MBP: variants seen among roughly 807,000 people sequenced by gnomAD.
The protein encoded by MBP is myelin basic protein.
MBP carries 16 observed loss-of-function variants against 35.8 expected under a neutral mutation model. That is an observed-to-expected ratio of 0.45 (90% CI 0.30 to 0.68). The LOEUF (loss-of-function observed/expected upper bound fraction) is 0.68, where lower values mean the gene tolerates loss of function less well. Among genes scored for constraint, MBP ranks in the 30% least tolerant of loss-of-function variants. The pLI is 0.08. For missense variants in MBP, 380 were observed against 404.7 expected, an observed-to-expected ratio of 0.94 and a Z score of 0.52; for synonymous variants, 143 against 159.6, an observed-to-expected ratio of 0.90 and a Z score of 0.78.
chr18:77,034,702 G>A (rs1256417756), intron 3 of MBP, among the ~76,000 whole-genome samples: 3 of 152,166 alleles, frequency 2.0e-5, no homozygotes, highest in Admixed American at 6.5e-5. Context: ...CCAGTGGTGC[G>A]TTTTATGCCC....
At chr18:77,036,315 G>A (rs1240441398) in intron 3 of MBP, among the ~76,000 whole-genome samples, 6 of 121,866 alleles carry the variant, frequency 4.9e-5, no homozygotes, top group Admixed American at 7.7e-5. Flanking sequence ...ACTGAGCTGA[G>A]CAAGTGCTGG....
At chr18:77,003,248 T>C (rs1367999798) in intron 4 of MBP, 1 of 152,238 alleles carries the variant, frequency 6.6e-6, no homozygotes, top group Non-Finnish European at 1.5e-5. Flanking sequence ...ATTTTGTCTA[T>C]GTGACTGAAA....
intron 1 of MBP, among the ~76,000 whole-genome samples, chr18:77,116,628 T>G (rs777433288): frequency 6.4e-4 from 98 of 152,140 alleles, no homozygotes; most frequent in Non-Finnish European, 7.2e-4. Context: ...ACGTTGAAAC[T>G]CATGAGGTTT....
At position 76,979,674 on chromosome 18, in the gene MBP, A is replaced by G; in HGVS notation, c.*753T>C. On this transcript the variant is annotated 3_prime_UTR_variant, in exon 9 of 9. Transcript: ENST00000355994. ...CAGAGGCCACCTGCTTGACATCTCCATCACCAAATCTCCAGGAAGACCCTG... is the reference window on the plus strand; with the variant it reads ...CAGAGGCCACCTGCTTGACATCTCCGTCACCAAATCTCCAGGAAGACCCTG... The G allele has an allele frequency of 2.1e-6, 1 of 466,070 alleles. No individual in the cohort carries two copies. Among genetic ancestry groups the G allele is most frequent in the Non-Finnish European group, 3.9e-6 (1 of 259,044 alleles). The allele number at this position is 466,070 out of a possible 1,614,324, so 28.9% of individuals were successfully genotyped here. A position where few individuals can be genotyped will look rare whatever the true frequency, so the allele number is the denominator to read the frequency against.
chr18:77,050,492 A>G (rs1973445337), intron 3 of MBP, among the ~76,000 whole-genome samples: 1 of 152,190 alleles, frequency 6.6e-6, no homozygotes, highest in Non-Finnish European at 1.5e-5. Flanking sequence ...TTCCTTCTTC[A>G]TTGCCATAAC....
chr18:77,097,124 G>A (rs1039265713), intron 2 of MBP: 4 of 152,448 alleles, frequency 2.6e-5, no homozygotes, highest in Non-Finnish European at 5.9e-5. Flanking sequence ...CCCACCAACA[G>A]GGCAACACAA....
rs368566615 is a variant in MBP, at chr18:76,980,177, C to T, written c.*250G>A. ...CCCACGTGCGTCTGGGGGCACATTGCGGGGGAAGGAACGTGATCTTCACAC... is the reference window on the plus strand; with the variant it reads ...CCCACGTGCGTCTGGGGGCACATTGTGGGGGAAGGAACGTGATCTTCACAC... On this transcript the variant is annotated 3_prime_UTR_variant, in exon 9 of 9. Transcript: ENST00000355994. 1.3e-5 allele frequency: 8 copies of T among 635,512 alleles called. No homozygotes were observed. Among genetic ancestry groups the T allele is most frequent in the South Asian group, 3.6e-5 (2 of 55,444 alleles). The allele number at this position is 635,512 out of a possible 1,614,324, so 39.4% of individuals were successfully genotyped here. A position where few individuals can be genotyped will look rare whatever the true frequency, so the allele number is the denominator to read the frequency against.
intron 1 of MBP, among the ~76,000 whole-genome samples, chr18:77,127,125 A>G (rs1236880643): frequency 6.6e-6 from 1 of 152,278 alleles, no homozygotes; most frequent in Non-Finnish European, 1.5e-5. Context: ...CCACCTGATT[A>G]AAGTTGACTA....
intron 4 of MBP, among the ~76,000 whole-genome samples, chr18:77,009,278 C>T (rs1971188617): frequency 6.6e-6 from 1 of 152,218 alleles, no homozygotes; most frequent in South Asian, 2.1e-4. Flanking sequence ...GGCAGCCACA[C>T]AAGGAGAAGA....
chr18:76,991,136 G>A (rs1969886344), intron 4 of MBP, among the ~76,000 whole-genome samples: 1 of 152,202 alleles, frequency 6.6e-6, no homozygotes, highest in Admixed American at 6.5e-5. Context: ...ACATGAGCTG[G>A]TCTCTGCTTC....
At chr18:77,034,559 G>A (rs1312151250) in intron 3 of MBP, among the ~76,000 whole-genome samples, 1 of 152,210 alleles carries the variant, frequency 6.6e-6, no homozygotes, top group Non-Finnish European at 1.5e-5. Context: ...CACGGCAATA[G>A]AAAAACAGAT....
chr18:76,986,825 A>C (rs897572670), intron 7 of MBP: 12 of 985,464 alleles, frequency 1.2e-5, no homozygotes, highest in Non-Finnish European at 1.4e-5. Flanking sequence ...CCGGGGATTG[A>C]CTTTCAGATT....
At chr18:76,993,811 A>G (rs78038777) in intron 4 of MBP, among the ~76,000 whole-genome samples, 2,315 of 152,084 alleles carry the variant, frequency 0.015, 48 homozygotes, top group African/African-American at 0.052. Flanking sequence ...CTTCTCACAC[A>G]CAGAGGAGTG....
At chr18:77,119,607 C>A (rs541106737) in intron 1 of MBP, among the ~76,000 whole-genome samples, 1 of 152,180 alleles carries the variant, frequency 6.6e-6, no homozygotes, top group East Asian at 1.9e-4. Flanking sequence ...CCTCAAGCCG[C>A]GCCCACACAG....
In MBP at chr18:76,988,732, C is replaced by A; in HGVS notation, c.717+145G>T. 1 of 1,318,344 alleles carries A rather than the reference C, an allele frequency of 7.6e-7. No individual in the cohort carries two copies. Among genetic ancestry groups the A allele is most frequent in the Non-Finnish European group, 1.1e-6 (1 of 950,492 alleles). The allele number at this position is 1,318,344 out of a possible 1,614,324, so 81.7% of individuals were successfully genotyped here. ...AGGAGGGGTGCATGGATCTGCCGAC[C>A]TGTTCTACTTGGGAGCTGCCTGGCA... On this transcript the variant is annotated intron_variant, in intron 6 of 8. Coordinates refer to ENST00000355994, the MANE Select transcript of MBP (RefSeq NM_001025101.2). This position sits in a 1 kb window ranked among gnomAD's most constrained non-coding sequence, Gnocchi z 5.2.
At chr18:77,007,013 G>A (rs757424207) in intron 4 of MBP, among the ~76,000 whole-genome samples, 21 of 152,164 alleles carry the variant, frequency 1.4e-4, no homozygotes, top group East Asian at 5.8e-4. Context: ...TTTCTCAGCC[G>A]CAGGGCAGGG....
intron 2 of MBP, among the ~76,000 whole-genome samples, 198 bp downstream of exon 2, chr18:77,105,009 CTGAA>C (rs1976207161): frequency 6.6e-6 from 1 of 151,164 alleles, no homozygotes; most frequent in Non-Finnish European, 1.5e-5. Context: ...TGCAATCTTC[CTGAA>C]TAAATTAATA....
chr18:77,066,750 C>T (rs1037875733), intron 2 of MBP, among the ~76,000 whole-genome samples: 2 of 152,266 alleles, frequency 1.3e-5, no homozygotes, highest in Non-Finnish European at 2.9e-5. Context: ...GCAGAACTGA[C>T]GCCAGGCCTT....
At chr18:77,003,232 T>C (rs913550623) in intron 4 of MBP, 1 of 152,186 alleles carries the variant, frequency 6.6e-6, no homozygotes, top group African/African-American at 2.4e-5. Context: ...TCGTCTGGAC[T>C]GTCCTATTTT....
Sources: gnomAD v4.1 joint callset for allele counts (sites outside exome capture counted in the v4.1 genomes callset) on GRCh38, gnomAD v4.1.1 for gene constraint, Gnocchi (gnomAD v3.1) non-coding constraint, MANE v1.5 for transcripts, NCBI Gene and HGNC (gene_info 2026-07-23, HGNC 2026-07-21) for gene names.